Variants in EPAS1 observed in about 807,000 individuals in gnomAD.
The protein encoded by EPAS1 is endothelial PAS domain protein 1.
In EPAS1, 23 loss-of-function variants were observed where a neutral mutation model predicts 87.9. The ratio of observed to expected loss-of-function variants is 0.26; its 90% CI spans 0.19 to 0.37. The LOEUF is 0.37. Among genes scored for constraint, EPAS1 ranks in the 10% least tolerant of loss-of-function variants. The pLI, the probability that EPAS1 is intolerant of heterozygous loss-of-function variation, is 1.00. For synonymous variants in EPAS1, 508 were observed against 444.3 expected (o/e 1.14, Z -1.80); for missense variants, 1,138 against 1,120.7 (o/e 1.02, Z -0.22).
In EPAS1 at chr2:46,385,764, G is replaced by C. The variant is rs1685006163; in HGVS notation, c.*1104G>C. 6.6e-6 allele frequency: 1 copy of C among 152,222 alleles called. No homozygotes were observed. The highest frequency in any genetic ancestry group is 1.5e-5 in the Non-Finnish European group (1 of 68,066). The allele number at this position is 152,222 out of a possible 1,614,324, so 9.4% of individuals were successfully genotyped here. The stretch of plus-strand genomic sequence containing the variant: ...TGGGGTCGGGGGGTGGGGCGGGGAA[G>C]TGCTCTAACTTTTCTTAAGGTTTTG... On this transcript the variant is annotated 3_prime_UTR_variant, in exon 16 of 16. Transcript: ENST00000263734.
chr2:46,297,756 C>G lies in EPAS1; in HGVS notation c.-156C>G, dbSNP rs1682909311. 1.0e-6 allele frequency: 1 copy of G among 982,470 alleles called. No individual in the cohort carries two copies. The highest frequency in any genetic ancestry group is 1.5e-6 in the Non-Finnish European group (1 of 653,210). 60.9% of individuals were successfully genotyped at this position (982,470 alleles called of 1,614,324 possible). A position where few individuals can be genotyped will look rare whatever the true frequency, so the allele number is the denominator to read the frequency against. On this transcript the variant is annotated 5_prime_UTR_variant, in exon 1 of 16. Transcript: ENST00000263734. ...CCCGCACCTAGCCCGCCGCGCGCCA[C>G]CTTCCACCTGACTGCGCGGGGCGCT...
At chr2:46,340,327 A>G (rs965946179) in intron 1 of EPAS1, among the ~76,000 whole-genome samples, 1 of 152,190 alleles carries the variant, frequency 6.6e-6, no homozygotes, top group Non-Finnish European at 1.5e-5. Context: ...AATGCAGTCC[A>G]GGCCCTCTGC....
At chr2:46,333,447 G>A (rs769028874) in intron 1 of EPAS1, among the ~76,000 whole-genome samples, 6 of 136,766 alleles carry the variant, frequency 4.4e-5, no homozygotes, top group Admixed American at 2.2e-4. Flanking sequence ...GTGTAGGCTC[G>A]GTAAGATGCT....
At chr2:46,322,796 C>T (rs979164677) in intron 1 of EPAS1, among the ~76,000 whole-genome samples, 6 of 152,180 alleles carry the variant, frequency 3.9e-5, no homozygotes, top group African/African-American at 1.4e-4. Flanking sequence ...GGCATAGATA[C>T]CACCTGTGCT....
chr2:46,384,812 G>C lies in EPAS1; in HGVS notation c.*152G>C. ...GACTTGCCCAGGTCACCAAGCAGTG[G>C]CCTTTTTCTGAGATGCTCACTTTAT... is the stretch of plus-strand genomic sequence containing the variant. On this transcript the variant is annotated 3_prime_UTR_variant, in exon 16 of 16. Coordinates refer to ENST00000263734, the MANE Select transcript of EPAS1 (RefSeq NM_001430.5). 1.1e-6 allele frequency: 1 copy of C among 913,280 alleles called. No individual in the cohort carries two copies. Among genetic ancestry groups the C allele is most frequent in the Non-Finnish European group, 1.7e-6 (1 of 595,822 alleles). 56.6% of individuals were successfully genotyped at this position (913,280 alleles called of 1,614,324 possible). A position where few individuals can be genotyped will look rare whatever the true frequency, so the allele number is the denominator to read the frequency against.
At position 46,371,090 on chromosome 2, in the gene EPAS1, A is replaced by G. The variant is rs1684618959; in HGVS notation, c.886+1157A>G. ...ACTGTATTTGGAAAAGAATGCTTCA[A>G]AACGAGTGCCCACAGTGGTGCAGAC... On this transcript the variant is annotated intron_variant, in intron 7 of 15. Coordinates refer to ENST00000263734, the MANE Select transcript of EPAS1 (RefSeq NM_001430.5). The surrounding 1 kb of genome is among the most constrained non-coding windows in gnomAD (Gnocchi z 4.3). Among the ~76,000 whole-genome samples, 1 of 152,198 alleles carries G rather than the reference A, an allele frequency of 6.6e-6. No homozygotes were observed. Among genetic ancestry groups the G allele is most frequent in the East Asian group, 1.9e-4 (1 of 5,202 alleles).
chr2:46,299,969 C>A (rs1682964370), intron 1 of EPAS1, among the ~76,000 whole-genome samples: 1 of 152,260 alleles, frequency 6.6e-6, no homozygotes, highest in Non-Finnish European at 1.5e-5. Context: ...CGGCTCCGGG[C>A]TGGTGGCCAC....
At position 46,360,236 on chromosome 2, in the gene EPAS1, T is replaced by C. The variant is rs916074870; in HGVS notation, c.455-402T>C. On this transcript the variant is annotated intron_variant, in intron 4 of 15. Coordinates refer to ENST00000263734, the MANE Select transcript of EPAS1 (RefSeq NM_001430.5). This position sits in a 1 kb window ranked among gnomAD's most constrained non-coding sequence, Gnocchi z 4.5. ...GTGAGGAAGGCTTACACCCTTGGAG[T>C]AACTGTGGCCTCACTCAGACTGTCC... Among the ~76,000 whole-genome samples the C allele has an allele frequency of 2.6e-5, 4 of 152,064 alleles. No individual in the cohort carries two copies. The highest frequency in any genetic ancestry group is 5.9e-5 in the Non-Finnish European group (4 of 68,032).
At chr2:46,356,875 C>G (rs570779627) in intron 4 of EPAS1, 67 bp downstream of exon 4, 3 of 1,173,264 alleles carry the variant, frequency 2.6e-6, no homozygotes, top group Non-Finnish European at 3.8e-6. Context: ...CCTTTGTCTA[C>G]GGGTATAAGG....
intron 1 of EPAS1, among the ~76,000 whole-genome samples, chr2:46,308,051 C>T (rs1473952742): frequency 6.6e-6 from 1 of 152,142 alleles, no homozygotes; most frequent in East Asian, 1.9e-4. Context: ...CTCTATCGCC[C>T]ATTCACCATC....
At chr2:46,370,123 G>A (rs1242164017) in intron 7 of EPAS1, among the ~76,000 whole-genome samples, 190 bp downstream of exon 7, 3 of 152,200 alleles carry the variant, frequency 2.0e-5, no homozygotes, top group African/African-American at 7.2e-5. Context: ...ACTCCTTCGT[G>A]CAAATTAGAA....
Position 46,382,223 on chromosome 2 carries a change from C to T in EPAS1, c.2287+134C>T, listed in dbSNP as rs1684915431. Reference sequence around the variant, plus strand: ...GAGCCTTGTTAGAATGGGGCGATGTCCTCTGTCTCTCCCGCAGTCCCACAC... The same window carrying T: ...GAGCCTTGTTAGAATGGGGCGATGTTCTCTGTCTCTCCCGCAGTCCCACAC... On this transcript the variant is annotated intron_variant, in intron 14 of 15. Transcript: ENST00000263734. 2.9e-6 allele frequency: 3 copies of T among 1,049,712 alleles called. No homozygotes were observed. The South Asian group carries it at 4.0e-5, about 14-fold the overall frequency. The allele number at this position is 1,049,712 out of a possible 1,614,324, so 65.0% of individuals were successfully genotyped here.
At chr2:46,344,118 C>G (rs1407503548) in intron 1 of EPAS1, among the ~76,000 whole-genome samples, 1 of 152,166 alleles carries the variant, frequency 6.6e-6, no homozygotes, top group African/African-American at 2.4e-5. Context: ...GTAAACAATA[C>G]CTACTTTATT....
chr2:46,381,007 G>A (rs976070938), intron 12 of EPAS1, among the ~76,000 whole-genome samples: 3 of 152,126 alleles, frequency 2.0e-5, no homozygotes, highest in Admixed American at 1.3e-4. Flanking sequence ...TTCGTATCTC[G>A]GTTCATCATC....
Position 46,385,907 on chromosome 2 carries a change from G to T in EPAS1, c.*1247G>T, listed in dbSNP as rs1049361250. On this transcript the variant is annotated 3_prime_UTR_variant, in exon 16 of 16. Transcript: ENST00000263734. ...AGACGGGAATTCATGCAAATGAGGG[G>T]TCAAAAATGGTATAGTGACCCCGTC... is the stretch of plus-strand genomic sequence containing the variant. 5.3e-5 allele frequency: 8 copies of T among 152,366 alleles called. No individual in the cohort carries two copies. The highest frequency in any genetic ancestry group is 1.9e-4 in the African/African-American group (8 of 41,556). The allele number at this position is 152,366 out of a possible 1,614,324, so 9.4% of individuals were successfully genotyped here.
rs1300832820 is a variant in EPAS1 at position 46,347,922 on chromosome 2, G to C, written c.217+859G>C. Among the ~76,000 whole-genome samples, 2 of 152,184 alleles carry C rather than the reference G, an allele frequency of 1.3e-5. No homozygotes were observed. Among genetic ancestry groups the C allele is most frequent in the African/African-American group, 4.8e-5 (2 of 41,440 alleles). On this transcript the variant is annotated intron_variant, in intron 2 of 15. Transcript: ENST00000263734. The surrounding 1 kb of genome is among the most constrained non-coding windows in gnomAD (Gnocchi z 4.2). ...CCCACCTGGTCTGGTGCCACAGGTG[G>C]GGACAGTGTCTGACGGGTGAGCATG... is the stretch of plus-strand genomic sequence containing the variant.
intron 1 of EPAS1, among the ~76,000 whole-genome samples, chr2:46,324,851 C>T (rs1256389706): frequency 6.6e-6 from 1 of 152,252 alleles, no homozygotes; most frequent in Admixed American, 6.5e-5. Context: ...TGTTTCTGCT[C>T]TACACTGAAA....
At chr2:46,334,281 C>G (rs1171044429) in intron 1 of EPAS1, among the ~76,000 whole-genome samples, 1 of 152,230 alleles carries the variant, frequency 6.6e-6, no homozygotes, top group Admixed American at 6.5e-5. Flanking sequence ...CTTTAGCTAC[C>G]TGTCCTTTTG....
At chr2:46,317,101 C>T (rs1683358501) in intron 1 of EPAS1, among the ~76,000 whole-genome samples, 1 of 152,198 alleles carries the variant, frequency 6.6e-6, no homozygotes, top group Non-Finnish European at 1.5e-5. Flanking sequence ...CTATTTCTTC[C>T]ACATCTGCAG....
Sources: allele counts gnomAD v4.1 joint callset (sites outside exome capture counted in the v4.1 genomes callset), GRCh38; gene constraint gnomAD v4.1.1; non-coding constraint Gnocchi (gnomAD v3.1); transcripts MANE v1.5; gene names NCBI Gene and HGNC (gene_info 2026-07-23, HGNC 2026-07-21).